GARIN1A: variants seen among roughly 807,000 people sequenced by gnomAD.
The protein encoded by GARIN1A is golgi associated RAB2 interactor 1A.
the GARIN1A span, among the ~76,000 whole-genome samples, chr7:128,704,687 G>A: frequency 2.0e-5 from 3 of 152,134 alleles, no homozygotes; most frequent in Non-Finnish European, 2.9e-5. Context: ...AGAATCTAAC[G>A]CCGCCGCTGA....
At chr7:128,708,982 G>A in the GARIN1A span, 6 of 152,100 alleles carry the variant, frequency 3.9e-5, no homozygotes, top group African/African-American at 7.2e-5. Flanking sequence ...TTTGAATTCC[G>A]ACCAATGGGA....
chr7:128,708,199 T>TA, the GARIN1A span, among the ~76,000 whole-genome samples: 6 of 119,752 alleles, frequency 5.0e-5, no homozygotes, highest in African/African-American at 1.9e-4. Context: ...TTTTTTTTTT[T>TA]AATTTTTAGT....
chr7:128,673,499 G>T, the GARIN1A span, among the ~76,000 whole-genome samples: 84 of 152,328 alleles, frequency 5.5e-4, 1 homozygote, highest in East Asian at 0.015. Context: ...AGACAGAGGG[G>T]CTTCAAAGTA....
At chr7:128,689,160 C>T in the GARIN1A span, among the ~76,000 whole-genome samples, 4 of 152,158 alleles carry the variant, frequency 2.6e-5, no homozygotes, top group African/African-American at 4.8e-5. Flanking sequence ...ACAACCTCCA[C>T]CTCCCAGCCG....
At chr7:128,701,171 G>A in the GARIN1A span, among the ~76,000 whole-genome samples, 1 of 151,264 alleles carries the variant, frequency 6.6e-6, no homozygotes, top group Non-Finnish European at 1.5e-5. Context: ...GACCCTCAAA[G>A]TTCAGCCCCA....
chr7:128,693,027 C>A, the GARIN1A span, among the ~76,000 whole-genome samples: 2 of 152,248 alleles, frequency 1.3e-5, no homozygotes, highest in African/African-American at 4.8e-5. Context: ...ACCAGAATTA[C>A]CACAATCTAC....
At chr7:128,675,019 C>T in the GARIN1A span, among the ~76,000 whole-genome samples, 3 of 152,174 alleles carry the variant, frequency 2.0e-5, no homozygotes, top group Non-Finnish European at 1.5e-5. Flanking sequence ...TATCCAGGTC[C>T]CTGTGGCTCC....
At chr7:128,673,939 A>G in the GARIN1A span, among the ~76,000 whole-genome samples, 1 of 151,790 alleles carries the variant, frequency 6.6e-6, no homozygotes, top group Admixed American at 6.6e-5. Flanking sequence ...ATGGAGTCTC[A>G]CTCCGTTGCC....
the GARIN1A span, chr7:128,675,547 T>TAGC: frequency 1.1e-6 from 1 of 883,054 alleles, no homozygotes; most frequent in Non-Finnish European, 1.8e-6. Context: ...AAAGGATCAA[T>TAGC]AGCAGGTCAG....
the GARIN1A span, among the ~76,000 whole-genome samples, chr7:128,676,748 A>G: frequency 6.6e-6 from 1 of 152,014 alleles, no homozygotes; most frequent in Non-Finnish European, 1.5e-5. Context: ...AAGTCAGGAT[A>G]TAGGGAGAAA....
the GARIN1A span, among the ~76,000 whole-genome samples, chr7:128,674,942 A>T: frequency 6.6e-6 from 1 of 152,192 alleles, no homozygotes. Context: ...TTTCTAAAAA[A>T]AGTGTAGAGC....
the GARIN1A span, chr7:128,677,635 T>C: frequency 1.5e-5 from 24 of 1,613,600 alleles, 1 homozygote; most frequent in Middle Eastern, 4.9e-4. Context: ...GTTAGGACAG[T>C]GACCGAAAAG....
At chr7:128,704,517 C>T in the GARIN1A span, among the ~76,000 whole-genome samples, 7 of 152,164 alleles carry the variant, frequency 4.6e-5, no homozygotes, top group South Asian at 1.5e-3. Context: ...GTTGGCCAGG[C>T]TGGTCTCAAA....
chr7:128,674,284 A>AT, the GARIN1A span, among the ~76,000 whole-genome samples: 2 of 152,054 alleles, frequency 1.3e-5, no homozygotes, highest in Admixed American at 6.6e-5. Context: ...TCAAAGTTTG[A>AT]TTTTTTAAAA....
At chr7:128,676,158 A>G in the GARIN1A span, among the ~76,000 whole-genome samples, 1 of 146,130 alleles carries the variant, frequency 6.8e-6, no homozygotes, top group East Asian at 2.0e-4. Flanking sequence ...GGCGCCTGCC[A>G]CCATGCCCAG....
At chr7:128,699,263 C>CA in the GARIN1A span, among the ~76,000 whole-genome samples, 7 of 34,422 alleles carry the variant, frequency 2.0e-4, no homozygotes, top group Non-Finnish European at 4.6e-4. Flanking sequence ...ACCTGCTGCC[C>CA]CCCCCCCCCC....
chr7:128,680,004 C>G, the GARIN1A span: 1 of 1,426,116 alleles, frequency 7.0e-7, no homozygotes, highest in Non-Finnish European at 9.6e-7. Flanking sequence ...CAGACCTAGC[C>G]ATCTGACGCT....
chr7:128,698,124 AT>A, the GARIN1A span, among the ~76,000 whole-genome samples: 9 of 152,150 alleles, frequency 5.9e-5, no homozygotes, highest in Non-Finnish European at 1.2e-4. Context: ...ATCATTATTA[AT>A]TTTATTTCAG....
the GARIN1A span, chr7:128,685,771 A>G: frequency 2.6e-5 from 4 of 152,158 alleles, no homozygotes; most frequent in African/African-American, 9.7e-5. Flanking sequence ...ATACATACCC[A>G]TTTCACTCTG....
Sources: gnomAD v4.1 joint callset for allele counts (sites outside exome capture counted in the v4.1 genomes callset) on GRCh38, gnomAD v4.1.1 for gene constraint, MANE v1.5 for transcripts, NCBI Gene and HGNC (gene_info 2026-07-23, HGNC 2026-07-21) for gene names.